Variants in SORCS2 observed in about 807,000 individuals in gnomAD.
SORCS2 encodes VPS10 domain-containing receptor SorCS2.
A neutral mutation model predicts 141.6 loss-of-function variants in SORCS2; 100 were observed. The observed-to-expected ratio is 0.71, with a 90% confidence interval of 0.60 to 0.83. SORCS2 has a LOEUF of 0.83. Among genes scored for constraint, SORCS2 ranks in the 40% least tolerant of loss-of-function variants. The pLI is 0.00. For synonymous variants in SORCS2, 789 were observed against 676.9 expected (o/e 1.17, Z -2.57); for missense variants, 1,646 against 1,560.2 (o/e 1.05, Z -0.93).
chr4:7,502,193 C>A (rs1005642648), intron 2 of SORCS2, among the ~76,000 whole-genome samples: 2 of 152,200 alleles, frequency 1.3e-5, no homozygotes, highest in African/African-American at 2.4e-5. Context: ...CTCTGGTGCT[C>A]AAGATCTACT....
At chr4:7,207,500 C>G (rs796736317) in intron 1 of SORCS2, among the ~76,000 whole-genome samples, 1 of 152,180 alleles carries the variant, frequency 6.6e-6, no homozygotes, top group Non-Finnish European at 1.5e-5. Flanking sequence ...TGGGCTGCCC[C>G]GAGCTCTGAG....
chr4:7,628,347 A>G lies in SORCS2; in HGVS notation c.649-9981A>G, dbSNP rs556178132. Among the ~76,000 whole-genome samples, 666 of 152,128 alleles carry G rather than the reference A, an allele frequency of 4.4e-3. 2 individuals carry two copies. The highest frequency in any genetic ancestry group is 7.3e-3 in the Non-Finnish European group (496 of 67,978). On this transcript the variant is annotated intron_variant, in intron 3 of 26. Transcript: ENST00000507866. ...ACCATCCTGTGAATGGAGAAACCCC[A>G]TCTCTACTAAAAATACAAAAAATTA...
intron 2 of SORCS2, among the ~76,000 whole-genome samples, chr4:7,404,000 T>A (rs1324014851): frequency 0.12 from 2,829 of 23,888 alleles, 75 homozygotes; most frequent in Non-Finnish European, 0.17. Flanking sequence ...TATATATATT[T>A]TTTTTTTTTT....
intron 1 of SORCS2, among the ~76,000 whole-genome samples, chr4:7,238,411 C>T (rs1156947389): frequency 6.6e-6 from 1 of 152,148 alleles, no homozygotes; most frequent in East Asian, 1.9e-4. Context: ...AGCAGCCATG[C>T]TGCTGGTAGG....
At chr4:7,670,011 T>C (rs1722706613) in intron 8 of SORCS2, among the ~76,000 whole-genome samples, 1 of 152,256 alleles carries the variant, frequency 6.6e-6, no homozygotes, top group South Asian at 2.1e-4. Context: ...CTGCAATGAA[T>C]CTATGTGTGC....
chr4:7,435,375 C>A (rs1224845375), intron 2 of SORCS2, among the ~76,000 whole-genome samples: 1 of 152,218 alleles, frequency 6.6e-6, no homozygotes, highest in East Asian at 1.9e-4. Context: ...CGAGTGTTCC[C>A]AATGACTGGC....
At chr4:7,246,479 G>T (rs9291132) in intron 1 of SORCS2, among the ~76,000 whole-genome samples, 2 of 119,556 alleles carry the variant, frequency 1.7e-5, no homozygotes, top group Non-Finnish European at 1.7e-5. Flanking sequence ...GAACCCACAC[G>T]TCTCACCTGG....
At chr4:7,543,409 ATCCATCTATCCATCCATCCG>A (rs1241176904) in intron 3 of SORCS2, among the ~76,000 whole-genome samples, 3 of 80,128 alleles carry the variant, frequency 3.7e-5, no homozygotes, top group Non-Finnish European at 9.8e-5. Flanking sequence ...CCATCCACCC[ATCCATCTATCCATCCATCCG>A]TCCATCCATC....
intron 2 of SORCS2, among the ~76,000 whole-genome samples, chr4:7,527,470 C>A (rs75907030): frequency 0.46 from 69,199 of 151,476 alleles, 17,390 homozygotes; most frequent in East Asian, 0.89. Flanking sequence ...CAGTGGGCCT[C>A]GGGGCCTCGG....
chr4:7,659,174 T>TGACA (rs989984968), intron 5 of SORCS2, among the ~76,000 whole-genome samples: 1 of 151,430 alleles, frequency 6.6e-6, no homozygotes, highest in African/African-American at 2.4e-5. Context: ...GGCAGGTAGA[T>TGACA]GACAGTTCAG....
intron 24 of SORCS2, among the ~76,000 whole-genome samples, chr4:7,733,953 G>C (rs535807391): frequency 1.0e-3 from 154 of 152,272 alleles, no homozygotes; most frequent in African/African-American, 3.5e-3. Context: ...AGGAGCGCCG[G>C]CCACGGGCAT....
At chr4:7,559,815 C>G (rs1438543609) in intron 3 of SORCS2, among the ~76,000 whole-genome samples, 1 of 152,270 alleles carries the variant, frequency 6.6e-6, no homozygotes, top group Non-Finnish European at 1.5e-5. Context: ...CATAGCCCAG[C>G]ACAGGTGCCC....
chr4:7,673,010 T>C (rs1560472392), intron 8 of SORCS2, among the ~76,000 whole-genome samples: 1 of 152,336 alleles, frequency 6.6e-6, no homozygotes, highest in East Asian at 1.9e-4. Flanking sequence ...TACAATCACA[T>C]ATACTATATG....
At chr4:7,225,954 A>T (rs1728964253) in intron 1 of SORCS2, among the ~76,000 whole-genome samples, 5 of 152,102 alleles carry the variant, frequency 3.3e-5, no homozygotes, top group Admixed American at 6.6e-5. Flanking sequence ...ACCTGTCAGA[A>T]GCCTGTCTGG....
In SORCS2 at chr4:7,654,189, C is replaced by T. The variant is rs1417960128; in HGVS notation, c.869C>T (p.Thr290Ile). Residue 290 changes from threonine (T) to isoleucine (I), a missense_variant, in exon 5 of 27, where the codon ACC becomes ATC. By Grantham distance (89) the Thr-to-Ile change is moderately conservative. Coordinates refer to ENST00000507866, the MANE Select transcript of SORCS2 (RefSeq NM_020777.3). ...TGGACACTTCTGCAAGAGCGAGTGA[C>T]CAAAGACCACGTGTTCTGGTGAGAG... ...KKWTLLQERVTKDHVFWSVSG... is the reference protein window; with the variant it reads ...KKWTLLQERVIKDHVFWSVSG... 3 of 1,580,440 alleles carry T rather than the reference C, an allele frequency of 1.9e-6. No homozygotes were observed. The highest frequency in any genetic ancestry group is 4.6e-5 in the East Asian group (2 of 43,302).
chr4:7,385,249 G>T (rs1017304164), intron 1 of SORCS2, among the ~76,000 whole-genome samples: 2 of 152,202 alleles, frequency 1.3e-5, no homozygotes, highest in Non-Finnish European at 2.9e-5. Context: ...TCCCCTCAGG[G>T]GTCTTTAGTA....
chr4:7,384,368 C>T (rs527264046), intron 1 of SORCS2, among the ~76,000 whole-genome samples: 49 of 152,144 alleles, frequency 3.2e-4, no homozygotes, highest in Non-Finnish European at 6.3e-4. Context: ...TTTAATGAGA[C>T]GGTGACGAGA....
chr4:7,476,531 A>G (rs12503401), intron 2 of SORCS2, among the ~76,000 whole-genome samples: 21,423 of 152,066 alleles, frequency 0.14, 2,070 homozygotes, highest in African/African-American at 0.25. Context: ...GATCACTGGG[A>G]ACCATAGCCT....
At chr4:7,387,783 T>TGTACACACATGCACACACATAC (rs1723524202) in intron 1 of SORCS2, among the ~76,000 whole-genome samples, 1 of 94,866 alleles carries the variant, frequency 1.1e-5, no homozygotes, top group Admixed American at 1.0e-4. Context: ...CACACACACA[T>TGTACACACATGCACACACATAC]AGGTACATGC....
Sources: gnomAD v4.1 joint callset for allele counts (sites outside exome capture counted in the v4.1 genomes callset) on GRCh38, gnomAD v4.1.1 for gene constraint, MANE v1.5 for transcripts, NCBI Gene and HGNC (gene_info 2026-07-23, HGNC 2026-07-21) for gene names.